CENPP: variants seen among roughly 807,000 people sequenced by gnomAD.
CENPP encodes the protein centromere protein P.
A neutral mutation model predicts 35.6 loss-of-function variants in CENPP; 24 were observed. The ratio of observed to expected loss-of-function variants is 0.67; its 90% CI spans 0.49 to 0.95. The LOEUF (loss-of-function observed/expected upper bound fraction) is 0.95. Among genes scored for constraint, CENPP ranks in the 40% least tolerant of loss-of-function variants. The pLI is 0.00. For synonymous variants in CENPP, 120 were observed against 125.5 expected (o/e 0.96, Z 0.29); for missense variants, 332 against 345.3 (o/e 0.96, Z 0.31).
intron 5 of CENPP, among the ~76,000 whole-genome samples, chr9:92,606,206 G>A (rs1356254089): frequency 4.6e-5 from 7 of 152,134 alleles, no homozygotes; most frequent in South Asian, 2.1e-4. Flanking sequence ...AGATTGCAGT[G>A]AGCCAAGAAT....
At chr9:92,387,277 G>A (rs371685953) in intron 5 of CENPP, among the ~76,000 whole-genome samples, 4 of 151,672 alleles carry the variant, frequency 2.6e-5, no homozygotes, top group African/African-American at 9.7e-5. Flanking sequence ...GAGCCTGAGT[G>A]AGGCAGGAGA....
intron 5 of CENPP, among the ~76,000 whole-genome samples, chr9:92,608,314 C>T (rs1177798962): frequency 6.6e-6 from 1 of 151,968 alleles, no homozygotes; most frequent in Admixed American, 6.6e-5. Context: ...CCAGATAAGG[C>T]TTGATATTTT....
intron 5 of CENPP, among the ~76,000 whole-genome samples, chr9:92,558,459 G>A (rs1849774535): frequency 6.6e-6 from 1 of 152,184 alleles, no homozygotes; most frequent in Non-Finnish European, 1.5e-5. Context: ...GGCTGGTACT[G>A]GGGTTGTCTG....
chr9:92,561,555 G>A (rs574314527), intron 5 of CENPP, among the ~76,000 whole-genome samples: 87 of 152,230 alleles, frequency 5.7e-4, no homozygotes, highest in Middle Eastern at 6.8e-3. Context: ...CAGAAACTTT[G>A]TACAAAGAAA....
chr9:92,447,742 G>A (rs1275745882), intron 5 of CENPP, among the ~76,000 whole-genome samples: 2 of 152,208 alleles, frequency 1.3e-5, no homozygotes, highest in African/African-American at 4.8e-5. Flanking sequence ...AGGTAGGGCA[G>A]GACTTGGCAC....
intron 5 of CENPP, chr9:92,495,428 G>C (rs1420962858): frequency 1.0e-6 from 1 of 985,248 alleles, no homozygotes; most frequent in African/African-American, 1.7e-5. Flanking sequence ...TAAGGCAAAG[G>C]AGATAGATGC....
At chr9:92,325,936 G>A, upstream of CENPP, 2 of 1,398,572 alleles carry the variant, frequency 1.4e-6, no homozygotes, top group South Asian at 1.2e-5. Flanking sequence ...TTGAAGCGCG[G>A]GTGAAGCGCG....
chr9:92,566,002 G>T (rs1314158584), intron 5 of CENPP, among the ~76,000 whole-genome samples: 2 of 152,150 alleles, frequency 1.3e-5, no homozygotes, highest in African/African-American at 4.8e-5. Flanking sequence ...CAATAAAATT[G>T]TAAGACATAC....
rs769121104 is a variant in CENPP, at chr9:92,600,551, A to T, written c.565-10763A>T. ...GGCCACCCCACTGGGGCTGGGGCAC[A>T]TGGAGAATGTTTGGCACAAGCCCTT... is the stretch of plus-strand genomic sequence containing the variant. On this transcript the variant is annotated intron_variant, in intron 5 of 7. Coordinates refer to ENST00000375587, the MANE Select transcript of CENPP (RefSeq NM_001012267.3). 6 of 1,612,274 alleles carry T rather than the reference A, an allele frequency of 3.7e-6. No homozygotes were observed. The East Asian group carries it at 1.3e-4, about 36-fold the overall frequency.
intron 5 of CENPP, among the ~76,000 whole-genome samples, chr9:92,443,854 G>A (rs1432431407): frequency 6.6e-6 from 1 of 151,918 alleles, no homozygotes; most frequent in East Asian, 1.9e-4. Flanking sequence ...GTAGAGATGG[G>A]GTTTCACCAT....
At chr9:92,570,290 G>C (rs929918352) in intron 5 of CENPP, among the ~76,000 whole-genome samples, 4 of 152,120 alleles carry the variant, frequency 2.6e-5, no homozygotes, top group African/African-American at 9.7e-5. Flanking sequence ...GGCATGAAGG[G>C]CTGTTGAATT....
chr9:92,544,002 T>C (rs1486477542), intron 5 of CENPP, among the ~76,000 whole-genome samples: 2 of 152,242 alleles, frequency 1.3e-5, no homozygotes, highest in Non-Finnish European at 2.9e-5. Context: ...ACCTTTATCC[T>C]TTCCATTTTA....
Position 92,618,095 on chromosome 9 carries a change from G to C in CENPP, c.*4946G>C, listed in dbSNP as rs1851499013. 1 of 374,876 alleles carries C rather than the reference G, an allele frequency of 2.7e-6. No individual in the cohort carries two copies. Among genetic ancestry groups the C allele is most frequent in the Non-Finnish European group, 5.3e-6 (1 of 188,358 alleles). The allele number at this position is 374,876 out of a possible 1,614,324, so 23.2% of individuals were successfully genotyped here. On this transcript the variant is annotated 3_prime_UTR_variant, in exon 8 of 8. Coordinates refer to ENST00000375587, the MANE Select transcript of CENPP (RefSeq NM_001012267.3). ...AGGCCTCTAGAGCACCACAGTTACT[G>C]GAACTTCACAGGTGCGGCCACTGCG... is the stretch of plus-strand genomic sequence containing the variant.
intron 5 of CENPP, among the ~76,000 whole-genome samples, chr9:92,542,339 A>G (rs1331902177): frequency 6.6e-6 from 1 of 151,994 alleles, no homozygotes; most frequent in Non-Finnish European, 1.5e-5. Flanking sequence ...CCCATTTTGT[A>G]TGTTGTCCCT....
At chr9:92,512,266 T>C (rs1847398377) in intron 5 of CENPP, 3 of 482,678 alleles carry the variant, frequency 6.2e-6, no homozygotes, top group Non-Finnish European at 7.5e-6. Context: ...ACAGAATATA[T>C]ATTATATAAC....
intron 5 of CENPP, among the ~76,000 whole-genome samples, chr9:92,422,015 A>G (rs748080641): frequency 7.2e-5 from 11 of 152,032 alleles, no homozygotes; most frequent in Non-Finnish European, 2.9e-5. Flanking sequence ...GTATAATTTT[A>G]TAATATTTTA....
At chr9:92,341,060 G>GC (rs1035804887) in intron 3 of CENPP, among the ~76,000 whole-genome samples, 10 of 151,934 alleles carry the variant, frequency 6.6e-5, no homozygotes, top group Non-Finnish European at 1.0e-4. Context: ...ATTATAAACA[G>GC]CCCCCCCAGG....
chr9:92,421,215 T>C (rs968798620), intron 5 of CENPP, among the ~76,000 whole-genome samples: 1 of 152,118 alleles, frequency 6.6e-6, no homozygotes, highest in African/African-American at 2.4e-5. Context: ...AATTTTTTAA[T>C]TTTTTGTAAA....
At chr9:92,486,284 G>T (rs1564348408) in intron 5 of CENPP, among the ~76,000 whole-genome samples, 1 of 152,162 alleles carries the variant, frequency 6.6e-6, no homozygotes, top group Non-Finnish European at 1.5e-5. Flanking sequence ...TCTGTGAAGG[G>T]ATAAGTGATT....
Sources: gnomAD v4.1 joint callset for allele counts (sites outside exome capture counted in the v4.1 genomes callset) on GRCh38, gnomAD v4.1.1 for gene constraint, MANE v1.5 for transcripts, NCBI Gene and HGNC (gene_info 2026-07-23, HGNC 2026-07-21) for gene names.